The following ANKRD11 variants were observed in gnomAD, a reference collection of about 807,000 sequenced individuals.
ANKRD11 encodes the protein ankyrin repeat domain 11.
A neutral mutation model predicts 195.7 loss-of-function variants in ANKRD11; 17 were observed. That is an observed-to-expected ratio of 0.09 (90% CI 0.06 to 0.13). The LOEUF (loss-of-function observed/expected upper bound fraction) is 0.13, where lower values mean the gene tolerates loss of function less well. Among genes scored for constraint, ANKRD11 ranks in the 10% least tolerant of loss-of-function variants. The pLI is 1.00. For missense variants in ANKRD11, 3,735 were observed against 3,566.1 expected, an observed-to-expected ratio of 1.05 and a Z score of -1.21; for synonymous variants, 1,953 against 1,528.1, an observed-to-expected ratio of 1.28 and a Z score of -6.49.
chr16:89,490,023 GC>G (rs1408040511), intron 1 of ANKRD11, among the ~76,000 whole-genome samples: 2 of 103,940 alleles, frequency 1.9e-5, no homozygotes, highest in Non-Finnish European at 4.2e-5. Flanking sequence ...ACCCCCGGCT[GC>G]CCCGAACCCG....
At chr16:89,484,545 A>G (rs2057543913) in intron 1 of ANKRD11, among the ~76,000 whole-genome samples, 1 of 152,222 alleles carries the variant, frequency 6.6e-6, no homozygotes, top group Non-Finnish European at 1.5e-5. Context: ...ATTCTAAGCC[A>G]TTAGCATCCT....
intron 4 of ANKRD11, chr16:89,300,600 G>A (rs1474461691): frequency 9.1e-6 from 4 of 440,348 alleles, no homozygotes; most frequent in Non-Finnish European, 1.6e-5. Flanking sequence ...AGAGTTCCAA[G>A]AAGTCCCACA....
intron 2 of ANKRD11, among the ~76,000 whole-genome samples, chr16:89,397,987 C>T (rs575532786): frequency 1.3e-5 from 2 of 152,248 alleles, no homozygotes; most frequent in South Asian, 4.1e-4. Context: ...CCACCAAAAA[C>T]AACCACAAAG....
At chr16:89,385,987 C>A (rs1249354813) in intron 2 of ANKRD11, among the ~76,000 whole-genome samples, 1 of 152,240 alleles carries the variant, frequency 6.6e-6, no homozygotes, top group Non-Finnish European at 1.5e-5. Context: ...CTCAAGCCGG[C>A]CTCCCGCTCA....
rs56010908 is a variant in ANKRD11 at position 89,270,450 on chromosome 16, C to T, written c.7806+367G>A. On this transcript the variant is annotated intron_variant, in intron 12 of 12. Coordinates refer to ENST00000301030, the MANE Select transcript of ANKRD11 (RefSeq NM_013275.6). ...GTGCTGCCCTTCCCGGCACCTCCCC[C>T]GCCCCTGCCCACCGCCCTGGCCAGC... 4.4e-3 allele frequency: 1,632 copies of T among 373,744 alleles called. 26 individuals carry two copies. The highest frequency in any genetic ancestry group is 0.032 in the African/African-American group (1,508 of 47,746). 23.2% of individuals were successfully genotyped at this position (373,744 alleles called of 1,614,324 possible).
At chr16:89,463,831 T>G (rs1016217166) in intron 1 of ANKRD11, among the ~76,000 whole-genome samples, 1 of 152,132 alleles carries the variant, frequency 6.6e-6, no homozygotes, top group African/African-American at 2.4e-5. Flanking sequence ...AATGCTCCCA[T>G]GGCTTTCTAC....
chr16:89,326,742 A>G (rs1345883911), intron 2 of ANKRD11, among the ~76,000 whole-genome samples: 1 of 152,076 alleles, frequency 6.6e-6, no homozygotes, highest in Non-Finnish European at 1.5e-5. Flanking sequence ...ACCCTGTGTG[A>G]AAAAAACCCA....
intron 9 of ANKRD11, among the ~76,000 whole-genome samples, chr16:89,277,160 C>T (rs1229997782): frequency 6.6e-6 from 1 of 152,262 alleles, no homozygotes; most frequent in African/African-American, 2.4e-5. Flanking sequence ...GCCCAGCCCC[C>T]CAGTGAGGGT....
chr16:89,468,561 C>T (rs375431139), intron 1 of ANKRD11, among the ~76,000 whole-genome samples: 5 of 152,084 alleles, frequency 3.3e-5, no homozygotes, highest in Non-Finnish European at 5.9e-5. Context: ...AAAAATTAGC[C>T]GAGCGCGGTG....
intron 9 of ANKRD11, chr16:89,278,107 G>A (rs1013793516): frequency 4.2e-6 from 1 of 239,168 alleles, no homozygotes; most frequent in Non-Finnish European, 8.3e-6. Context: ...GCTAGGCACA[G>A]TGTGAGTGGA....
At chr16:89,421,063 T>C (rs1287691471) in intron 1 of ANKRD11, among the ~76,000 whole-genome samples, 1 of 152,110 alleles carries the variant, frequency 6.6e-6, no homozygotes, top group African/African-American at 2.4e-5. Flanking sequence ...CAGTGTGTGA[T>C]GACGGAGTCA....
At chr16:89,466,561 C>T (rs910386690) in intron 1 of ANKRD11, among the ~76,000 whole-genome samples, 10 of 152,152 alleles carry the variant, frequency 6.6e-5, no homozygotes, top group Middle Eastern at 3.4e-3. Context: ...TGCCTGGCAT[C>T]CAACAAAATC....
At chr16:89,438,141 G>A (rs763370458) in intron 1 of ANKRD11, among the ~76,000 whole-genome samples, 4 of 152,212 alleles carry the variant, frequency 2.6e-5, no homozygotes, top group Admixed American at 6.5e-5. Flanking sequence ...CACGAACCGC[G>A]TGCGCAGCCC....
chr16:89,424,239 C>T (rs1215853342), intron 1 of ANKRD11, among the ~76,000 whole-genome samples: 1 of 152,050 alleles, frequency 6.6e-6, no homozygotes, highest in African/African-American at 2.4e-5. Context: ...GTTGGGAGTT[C>T]GAGACCAGCG....
rs184245015 is a variant in ANKRD11, at chr16:89,423,923, A to G, written c.-144-5555T>C. Among the ~76,000 whole-genome samples, 695 of 152,294 alleles carry G rather than the reference A, an allele frequency of 4.6e-3. 6 individuals are homozygous for G. Among genetic ancestry groups the G allele is most frequent in the Middle Eastern group, 6.8e-3 (2 of 294 alleles). On this transcript the variant is annotated intron_variant, in intron 1 of 12. Coordinates refer to ENST00000301030, the MANE Select transcript of ANKRD11 (RefSeq NM_013275.6). ...GGGAAGAAAGTTTCAGTATTGGGAA[A>G]TCAAAACTTAAGCGGGTAAGAGGAC...
chr16:89,293,788 A>G (rs2035236953), intron 4 of ANKRD11, among the ~76,000 whole-genome samples: 1 of 151,932 alleles, frequency 6.6e-6, no homozygotes, highest in Non-Finnish European at 1.5e-5. Context: ...TTGGGGCTGC[A>G]GTATGTTTAC....
chr16:89,288,741 C>G, intron 6 of ANKRD11, 71 bp from the exon 7 acceptor site: 4 of 1,609,054 alleles, frequency 2.5e-6, no homozygotes, highest in Non-Finnish European at 3.4e-6. Flanking sequence ...GAGGCAGCGC[C>G]CTGAGGATGT....
Position 89,280,286 on chromosome 16 carries a change from C to T in ANKRD11, c.6256G>A (p.Val2086Ile), listed in dbSNP as rs2034080217. 6.2e-7 allele frequency: 1 copy of T among 1,604,622 alleles called. No individual in the cohort carries two copies. The highest frequency in any genetic ancestry group is 1.3e-5 in the African/African-American group (1 of 74,762). Reference protein sequence around the residue: ...PLDVAPEPACVAAVAQVEALG... With the variant: ...PLDVAPEPACIAAVAQVEALG... ...GCCTCCACCTGAGCCACAGCGGCTA[C>T]ACAGGCGGGCTCGGGGGCCACGTCC... The change falls in exon 9 of 13, where the codon GTA becomes ATA. Residue 2086 changes from valine (V) to isoleucine (I), a missense_variant. Val to Ile is a conservative substitution (Grantham distance 29). Coordinates refer to ENST00000301030, the MANE Select transcript of ANKRD11 (RefSeq NM_013275.6).
chr16:89,379,529 CCAGA>C (rs1297130543), intron 2 of ANKRD11, among the ~76,000 whole-genome samples: 2 of 152,162 alleles, frequency 1.3e-5, no homozygotes, highest in African/African-American at 2.4e-5. Context: ...GCTCTGTCGC[CCAGA>C]CAGAGCTCAG....
Sources: allele counts gnomAD v4.1 joint callset (sites outside exome capture counted in the v4.1 genomes callset), GRCh38; gene constraint gnomAD v4.1.1; transcripts MANE v1.5; gene names NCBI Gene and HGNC (gene_info 2026-07-23, HGNC 2026-07-21).